Variants in PFN3 observed in about 807,000 individuals in gnomAD.
PFN3 encodes profilin-3.
In PFN3, 7 loss-of-function variants were observed where a neutral mutation model predicts 6.2. That is an observed-to-expected ratio of 1.13 (90% CI 0.64 to 2.13). The LOEUF (loss-of-function observed/expected upper bound fraction) is 2.13, where lower values mean the gene tolerates loss of function less well. Ranked by LOEUF, PFN3 falls within the 30% of genes most tolerant of loss-of-function variation. PFN3 has a pLI of 0.00. For missense variants in PFN3, 251 were observed against 209.3 expected, an observed-to-expected ratio of 1.20 and a Z score of -1.23; for synonymous variants, 112 against 97.7, an observed-to-expected ratio of 1.15 and a Z score of -0.87.
rs1006587732 is a variant in PFN3, at chr5:177,400,345, G to C, written c.232C>G (p.Leu78Val). The C allele has an allele frequency of 1.3e-6, 2 of 1,535,948 alleles. No individual in the cohort carries two copies. The highest frequency in any genetic ancestry group is 2.8e-5 in the African/African-American group (2 of 71,238). ...AGCACGCCGTCACCCTCGGCCAGCA[G>C]GTGGTCGCGGATGACGCAGCAGCGG... Reference protein sequence around the residue: ...GRRCCVIRDHLLAEGDGVLDA... With the variant: ...GRRCCVIRDHVLAEGDGVLDA... Residue 78 changes from leucine (L) to valine (V), a missense_variant, in exon 1 of 1, where the codon CTG becomes GTG. Physicochemically the swap from Leu to Val is conservative, Grantham distance 32 (BLOSUM62 1). Coordinates refer to ENST00000358571, the MANE Select transcript of PFN3 (RefSeq NM_001029886.3).
rs1287618725 is a variant in PFN3 at position 177,400,613 on chromosome 5, G to C, written c.-37C>G. ...TGCGCCCAGCCGCCTCGCACCTCTCGGGGAAATATAGAGGCGCCACGCGGG... is the reference window on the plus strand; with the variant it reads ...TGCGCCCAGCCGCCTCGCACCTCTCCGGGAAATATAGAGGCGCCACGCGGG... On this transcript the variant is annotated 5_prime_UTR_variant, in exon 1 of 1. Transcript: ENST00000358571. 7 of 1,578,128 alleles carry C rather than the reference G, an allele frequency of 4.4e-6. No homozygotes were observed. The highest frequency in any genetic ancestry group is 2.3e-5 in the East Asian group (1 of 43,532).
chr5:177,400,455 G>A lies in PFN3; in HGVS notation c.122C>T (p.Ala41Val), dbSNP rs1482765095. The A allele has an allele frequency of 6.4e-7, 1 of 1,563,040 alleles. No homozygotes were observed. The highest frequency in any genetic ancestry group is 8.6e-7 in the Non-Finnish European group (1 of 1,161,776). Residue 41 changes from alanine (A) to valine (V), a missense_variant, in exon 1 of 1, where the codon GCG (alanine) becomes GTG (valine). Ala to Val is a moderately conservative substitution (Grantham distance 64). Coordinates refer to ENST00000358571, the MANE Select transcript of PFN3 (RefSeq NM_001029886.3). ...VWASRPGGLL[A>V]AISPQEVGVL... Reference sequence around the variant, plus strand: ...GCCCACCTCCTGCGGCGAGATGGCCGCCAGCAGGCCCCCGGGCCGCGAAGC... The same window carrying A: ...GCCCACCTCCTGCGGCGAGATGGCCACCAGCAGGCCCCCGGGCCGCGAAGC...
Position 177,400,644 on chromosome 5 carries a change from C to T in PFN3, c.-68G>A, listed in dbSNP as rs1581653544. On this transcript the variant is annotated 5_prime_UTR_variant, in exon 1 of 1. Coordinates refer to ENST00000358571, the MANE Select transcript of PFN3 (RefSeq NM_001029886.3). Reference sequence around the variant, plus strand: ...ATATAGAGGCGCCACGCGGGGAAGGCCTGCGGCGCTGTGAGGCAGGCTGGG... The same window carrying T: ...ATATAGAGGCGCCACGCGGGGAAGGTCTGCGGCGCTGTGAGGCAGGCTGGG... The T allele has an allele frequency of 1.3e-6, 2 of 1,526,050 alleles. No homozygotes were observed. The highest frequency in any genetic ancestry group is 2.8e-5 in the African/African-American group (2 of 71,958). 94.5% of individuals were successfully genotyped at this position (1,526,050 alleles called of 1,614,324 possible).
At position 177,400,152 on chromosome 5, in the gene PFN3, T is replaced by A; in HGVS notation, c.*11A>T. On this transcript the variant is annotated 3_prime_UTR_variant, in exon 1 of 1. Transcript: ENST00000358571. The stretch of plus-strand genomic sequence containing the variant: ...TGGCCCGCGCTACCAGTGGGCGGCC[T>A]GGCTGGCCGGCTAGGCGCCCTGCAT... 6.2e-7 allele frequency: 1 copy of A among 1,610,422 alleles called. No individual in the cohort carries two copies. The highest frequency in any genetic ancestry group is 8.5e-7 in the Non-Finnish European group (1 of 1,178,882).
chr5:177,400,173 T>C lies in PFN3; in HGVS notation c.404A>G (p.Gln135Arg). ...VHELIRGLRM[Q>R]GA ...GGCCTGGCTGGCCGGCTAGGCGCCC[T>C]GCATGCGCAGCCCGCGTATGAGTTC... The change falls in exon 1 of 1, where the codon CAG (glutamine) becomes CGG (arginine). Residue 135 changes from glutamine (Q) to arginine (R), a missense_variant. Coordinates refer to ENST00000358571, the MANE Select transcript of PFN3 (RefSeq NM_001029886.3). The C allele has an allele frequency of 1.9e-6, 3 of 1,611,522 alleles. No homozygotes were observed. The highest frequency in any genetic ancestry group is 1.1e-5 in the South Asian group (1 of 91,058).
chr5:177,400,286 G>A lies in PFN3; in HGVS notation c.291C>T (p.Ala97=). The A allele has an allele frequency of 1.3e-6, 2 of 1,594,862 alleles. No homozygotes were observed. The highest frequency in any genetic ancestry group is 1.7e-4 in the Middle Eastern group (1 of 6,030). ...CGCGCGGCGCACGGCCCACGCACAC[G>A]GCGCGCGCGTCCAGCCCCTTGGTGC... ...DARTKGLDAR[A]VCVGRAPRAL... The change falls in exon 1 of 1, where the codon GCC becomes GCT. Residue 97 remains alanine, a synonymous_variant. Transcript: ENST00000358571.
rs1193179460 is a variant in PFN3, at chr5:177,400,616, G to A, written c.-40C>T. The A allele has an allele frequency of 1.3e-6, 2 of 1,574,526 alleles. No individual in the cohort carries two copies. The highest frequency in any genetic ancestry group is 1.4e-5 in the African/African-American group (1 of 73,606). ...GCCCAGCCGCCTCGCACCTCTCGGG[G>A]AAATATAGAGGCGCCACGCGGGGAA... is the stretch of plus-strand genomic sequence containing the variant. On this transcript the variant is annotated 5_prime_UTR_variant, in exon 1 of 1. Transcript: ENST00000358571.
rs767386787 is a variant in PFN3, at chr5:177,400,577, C to T, written c.-1G>A. 1 of 1,593,560 alleles carries T rather than the reference C, an allele frequency of 6.3e-7. No homozygotes were observed. Among genetic ancestry groups the T allele is most frequent in the Non-Finnish European group, 8.5e-7 (1 of 1,177,904 alleles). On this transcript the variant is annotated 5_prime_UTR_variant, in exon 1 of 1. Coordinates refer to ENST00000358571, the MANE Select transcript of PFN3 (RefSeq NM_001029886.3). The stretch of plus-strand genomic sequence containing the variant: ...TGATGTAGACCTTCCAGTCGCCCAT[C>T]GCGCTCCGAGTGCGCCCAGCCGCCT...
Position 177,400,381 on chromosome 5 carries a change from C to A in PFN3, c.196G>T (p.Val66Leu), listed in dbSNP as rs750328302. ...ATGACGCAGCAGCGGCGGCCCCCCA[C>A]GCTCAGGCCCGCCTGCAGGAAGGTG... ...RHTFLQAGLS[V>L]GGRRCCVIRD... The change falls in exon 1 of 1, where the codon GTG becomes TTG. Residue 66 changes from valine (V) to leucine (L), a missense_variant. Transcript: ENST00000358571. The A allele has an allele frequency of 7.2e-6, 11 of 1,538,364 alleles. No homozygotes were observed. Among genetic ancestry groups the A allele is most frequent in the Non-Finnish European group, 9.6e-6 (11 of 1,143,488 alleles).
At position 177,400,427 on chromosome 5, in the gene PFN3, C is replaced by T; in HGVS notation, c.150G>A (p.Val50=). 6.5e-7 allele frequency: 1 copy of T among 1,544,768 alleles called. No individual in the cohort carries two copies. The highest frequency in any genetic ancestry group is 8.7e-7 in the Non-Finnish European group (1 of 1,150,126). ...AGGTGTGCCTGTCCGGCCCCGTGAG[C>T]ACGCCCACCTCCTGCGGCGAGATGG... is the stretch of plus-strand genomic sequence containing the variant. ...LAAISPQEVG[V]LTGPDRHTFL... The change falls in exon 1 of 1, where the codon GTG becomes GTA. Residue 50 remains valine (V), a synonymous_variant. Coordinates refer to ENST00000358571, the MANE Select transcript of PFN3 (RefSeq NM_001029886.3).
chr5:177,400,190 TA>T lies in PFN3; in HGVS notation c.386del (p.Ile129AsnfsTer?). On this transcript the variant is annotated frameshift_variant, in exon 1 of 1. Transcript: ENST00000358571. LOFTEE classifies it high-confidence loss of function. ...AGGCGCCCTGCATGCGCAGCCCGCG[TA>T]TGAGTTCGTGCACCGTCTTGTTGAG... ...GILNKTVHELIRGLRMQGA is the reference protein window; with the variant it reads ...GILNKTVHELXRGLRMQGA The T allele has an allele frequency of 3.7e-6, 6 of 1,611,998 alleles. No homozygotes were observed. The highest frequency in any genetic ancestry group is 4.2e-6 in the Non-Finnish European group (5 of 1,179,590).
chr5:177,400,638 G>C lies in PFN3; in HGVS notation c.-62C>G. 4.5e-6 allele frequency: 7 copies of C among 1,540,970 alleles called. No individual in the cohort carries two copies. Among genetic ancestry groups the C allele is most frequent in the Non-Finnish European group, 6.1e-6 (7 of 1,149,392 alleles). On this transcript the variant is annotated 5_prime_UTR_variant, in exon 1 of 1. Transcript: ENST00000358571. ...GGGGAAATATAGAGGCGCCACGCGG[G>C]GAAGGCCTGCGGCGCTGTGAGGCAG...
Position 177,400,627 on chromosome 5 carries a change from G to A in PFN3, c.-51C>T. The A allele has an allele frequency of 6.4e-7, 1 of 1,557,100 alleles. No homozygotes were observed. The highest frequency in any genetic ancestry group is 1.2e-5 in the South Asian group (1 of 86,914). On this transcript the variant is annotated 5_prime_UTR_variant, in exon 1 of 1. Coordinates refer to ENST00000358571, the MANE Select transcript of PFN3 (RefSeq NM_001029886.3). ...TCGCACCTCTCGGGGAAATATAGAGGCGCCACGCGGGGAAGGCCTGCGGCG... is the reference window on the plus strand; with the variant it reads ...TCGCACCTCTCGGGGAAATATAGAGACGCCACGCGGGGAAGGCCTGCGGCG...
At position 177,400,258 on chromosome 5, in the gene PFN3, G is replaced by A; in HGVS notation, c.319C>T (p.Leu107Phe). 1 of 1,609,070 alleles carries A rather than the reference G, an allele frequency of 6.2e-7. No individual in the cohort carries two copies. Among genetic ancestry groups the A allele is most frequent in the Admixed American group, 1.7e-5 (1 of 59,724 alleles). Residue 107 changes from leucine to phenylalanine, a missense_variant, in exon 1 of 1, where the codon CTC (leucine) becomes TTC (phenylalanine). By Grantham distance (22) the Leu-to-Phe change is conservative. Transcript: ENST00000358571. The part of the protein sequence containing the change: ...AVCVGRAPRA[L>F]LVLMGRRGVH... ...CCGCGTCGGCCCATTAGCACCAGGA[G>A]CGCGCGCGGCGCACGGCCCACGCAC...
rs111609064 is a variant in PFN3, at chr5:177,400,468, C to A, written c.109G>T (p.Gly37Trp). Residue 37 changes from glycine (G) to tryptophan (W), a missense_variant, in exon 1 of 1, where the codon GGG (glycine) becomes TGG (tryptophan). Physicochemically the swap from Gly to Trp is radical, Grantham distance 184. Transcript: ENST00000358571. ...GGCGAGATGGCCGCCAGCAGGCCCC[C>A]GGGCCGCGAAGCCCACACGCAGCTG... ...DNSCVWASRP[G>W]GLLAAISPQE... The A allele has an allele frequency of 2.5e-6, 4 of 1,573,572 alleles. No homozygotes were observed. The highest frequency in any genetic ancestry group is 3.4e-6 in the Non-Finnish European group (4 of 1,167,724).
chr5:177,400,502 A>C lies in PFN3; in HGVS notation c.75T>G (p.His25Gln). The change falls in exon 1 of 1, where the codon CAT (histidine) becomes CAG (glutamine). Residue 25 changes from histidine to glutamine, a missense_variant. Coordinates refer to ENST00000358571, the MANE Select transcript of PFN3 (RefSeq NM_001029886.3). ...QRIDDVAIVG[H>Q]ADNSCVWASR... is the part of the protein sequence containing the mutation. ...AAGCCCACACGCAGCTGTTGTCCGC[A>C]TGGCCCACGATGGCCACGTCGTCGA... 3.1e-6 allele frequency: 5 copies of C among 1,595,292 alleles called. No individual in the cohort carries two copies. Among genetic ancestry groups the C allele is most frequent in the Non-Finnish European group, 4.2e-6 (5 of 1,178,318 alleles).
chr5:177,400,183 G>T lies in PFN3; in HGVS notation c.394C>A (p.Leu132Met). ...NKTVHELIRG[L>M]RMQGA The stretch of plus-strand genomic sequence containing the variant: ...GCCGGCTAGGCGCCCTGCATGCGCA[G>T]CCCGCGTATGAGTTCGTGCACCGTC... Residue 132 changes from leucine to methionine, a missense_variant, in exon 1 of 1, where the codon CTG becomes ATG. Coordinates refer to ENST00000358571, the MANE Select transcript of PFN3 (RefSeq NM_001029886.3). The T allele has an allele frequency of 6.2e-7, 1 of 1,611,850 alleles. No homozygotes were observed. The highest frequency in any genetic ancestry group is 8.5e-7 in the Non-Finnish European group (1 of 1,179,516).
In PFN3 at chr5:177,400,262, G is replaced by GCGCGGCGCACGGCCCA. The variant is rs1467336364; in HGVS notation, c.299_314dup (p.Ala106GlyfsTer52). On this transcript the variant is annotated frameshift_variant, in exon 1 of 1. Transcript: ENST00000358571. LOFTEE classifies it high-confidence loss of function. The stretch of plus-strand genomic sequence containing the variant: ...GTCGGCCCATTAGCACCAGGAGCGC[G>GCGCGGCGCACGGCCCA]CGCGGCGCACGGCCCACGCACACGG... The GCGCGGCGCACGGCCCA allele has an allele frequency of 3.7e-6, 6 of 1,608,654 alleles. No individual in the cohort carries two copies. The highest frequency in any genetic ancestry group is 1.7e-5 in the Admixed American group (1 of 59,668).
Position 177,400,405 on chromosome 5 carries a change from T to A in PFN3, c.172A>T (p.Thr58Ser). The stretch of plus-strand genomic sequence containing the variant: ...ACGCTCAGGCCCGCCTGCAGGAAGG[T>A]GTGCCTGTCCGGCCCCGTGAGCACG... ...VGVLTGPDRH[T>S]FLQAGLSVGG... The change falls in exon 1 of 1, where the codon ACC (threonine) becomes TCC (serine). Residue 58 changes from threonine (T) to serine (S), a missense_variant. Transcript: ENST00000358571. The A allele has an allele frequency of 6.5e-7, 1 of 1,540,406 alleles. No individual in the cohort carries two copies. Among genetic ancestry groups the A allele is most frequent in the South Asian group, 1.2e-5 (1 of 84,186 alleles).
Sources: allele counts gnomAD v4.1 joint callset, GRCh38; gene constraint gnomAD v4.1.1; transcripts MANE v1.5; gene names NCBI Gene and HGNC (gene_info 2026-07-23, HGNC 2026-07-21).